ROBO2: variants seen among roughly 807,000 people sequenced by gnomAD.
ROBO2 encodes roundabout guidance receptor 2, also known as roundabout homolog 2.
A neutral mutation model predicts 160.8 loss-of-function variants in ROBO2; 53 were observed. That is an observed-to-expected ratio of 0.33 (90% CI 0.26 to 0.41). The LOEUF (loss-of-function observed/expected upper bound fraction) is 0.41, where lower values mean the gene tolerates loss of function less well. Ranked by LOEUF, ROBO2 falls within the 10% of genes least tolerant of loss-of-function variation. The pLI is 1.00. For missense variants in ROBO2, 1,577 were observed against 1,722.4 expected (o/e 0.92, Z 1.49); for synonymous variants, 664 against 611.7 (o/e 1.09, Z -1.26).
At chr3:77,320,664 G>T (rs945724952) in intron 2 of ROBO2, among the ~76,000 whole-genome samples, 1 of 152,028 alleles carries the variant, frequency 6.6e-6, no homozygotes, top group African/African-American at 2.4e-5. Context: ...AGACAAGGGA[G>T]AGGACTTGTT....
intron 2 of ROBO2, among the ~76,000 whole-genome samples, chr3:76,889,888 G>A (rs1006036512): frequency 6.6e-6 from 1 of 152,118 alleles, no homozygotes. Flanking sequence ...AGGGATGAAA[G>A]AGGTAACATA....
At chr3:76,135,279 T>C (rs2071387908) in intron 2 of ROBO2, among the ~76,000 whole-genome samples, 1 of 152,054 alleles carries the variant, frequency 6.6e-6, no homozygotes, top group African/African-American at 2.4e-5. Context: ...ATAATTAGCC[T>C]TTTAATATAC....
chr3:77,558,159 A>G lies in ROBO2; in HGVS notation c.1437+10A>G. ...GATTAAGAATTTACGGGTAAGTAAT[A>G]TTGGACTTGTACATGAATTATCATC... On this transcript the variant is annotated intron_variant, in intron 9 of 25. Transcript: ENST00000461745. 3.7e-6 allele frequency: 6 copies of G among 1,607,614 alleles called. No homozygotes were observed. The highest frequency in any genetic ancestry group is 5.1e-6 in the Non-Finnish European group (6 of 1,174,418).
intron 2 of ROBO2, among the ~76,000 whole-genome samples, chr3:76,375,690 T>C (rs757764882): frequency 4.6e-5 from 7 of 151,952 alleles, no homozygotes; most frequent in Admixed American, 1.3e-4. Flanking sequence ...TAAAAAAAAC[T>C]AGTTGCAAGT....
intron 2 of ROBO2, among the ~76,000 whole-genome samples, chr3:77,123,659 C>T (rs1050369763): frequency 6.0e-5 from 9 of 150,362 alleles, no homozygotes; most frequent in East Asian, 3.9e-4. Flanking sequence ...AAATGATAAA[C>T]GTAGGTAAGG....
intron 4 of ROBO2, among the ~76,000 whole-genome samples, chr3:77,482,498 A>G (rs1348024582): frequency 6.6e-6 from 1 of 152,210 alleles, no homozygotes; most frequent in Non-Finnish European, 1.5e-5. Context: ...AGCACCAGGT[A>G]ATCTCTGGTA....
intron 2 of ROBO2, among the ~76,000 whole-genome samples, chr3:76,731,901 C>G (rs1345023495): frequency 1.3e-5 from 2 of 152,064 alleles, no homozygotes; most frequent in African/African-American, 2.4e-5. Context: ...GAGTCCAATT[C>G]ATTAATTTGT....
chr3:77,131,821 T>G (rs1020739221), intron 2 of ROBO2, among the ~76,000 whole-genome samples: 1 of 152,150 alleles, frequency 6.6e-6, no homozygotes, highest in African/African-American at 2.4e-5. Flanking sequence ...GAAATATTCT[T>G]TTGTTTATCA....
intron 1 of ROBO2, among the ~76,000 whole-genome samples, chr3:77,087,131 AAATAT>A (rs1366171673): frequency 5.9e-5 from 9 of 152,190 alleles, no homozygotes; most frequent in African/African-American, 2.4e-5. Context: ...AAACAGAAGG[AAATAT>A]AATAGAAAGT....
intron 2 of ROBO2, among the ~76,000 whole-genome samples, chr3:77,440,861 G>T (rs543511600): frequency 1.8e-4 from 27 of 152,180 alleles, no homozygotes; most frequent in African/African-American, 6.3e-4. Context: ...GAATATTTGA[G>T]GGTTGCGGGT....
chr3:76,587,212 GT>G (rs2086100456), intron 2 of ROBO2, among the ~76,000 whole-genome samples: 1 of 152,038 alleles, frequency 6.6e-6, no homozygotes, highest in Admixed American at 6.6e-5. Context: ...ATTTATTTAT[GT>G]TTTTATTGCT....
intron 2 of ROBO2, among the ~76,000 whole-genome samples, chr3:76,737,469 T>A (rs1671363292): frequency 6.6e-6 from 1 of 152,164 alleles, no homozygotes. Flanking sequence ...TAATTCAAAA[T>A]TTTAAAGGGC....
chr3:76,751,503 A>T (rs1300228861), intron 2 of ROBO2, among the ~76,000 whole-genome samples: 3 of 152,190 alleles, frequency 2.0e-5, no homozygotes, highest in Admixed American at 6.5e-5. Context: ...CAGAGTGAAT[A>T]GGCAATGTAC....
At chr3:75,964,195 G>A (rs1208915702) in intron 2 of ROBO2, among the ~76,000 whole-genome samples, 1 of 151,592 alleles carries the variant, frequency 6.6e-6, no homozygotes, top group Non-Finnish European at 1.5e-5. Context: ...AGATGTAGCT[G>A]AGCTCTAAAT....
At chr3:76,481,945 G>C (rs2079231782) in intron 2 of ROBO2, among the ~76,000 whole-genome samples, 2 of 152,062 alleles carry the variant, frequency 1.3e-5, no homozygotes, top group Non-Finnish European at 2.9e-5. Flanking sequence ...CACTTGCCCT[G>C]TCTGTGTGAC....
chr3:76,395,907 G>C (rs547773661), intron 2 of ROBO2, among the ~76,000 whole-genome samples: 1 of 152,082 alleles, frequency 6.6e-6, no homozygotes, highest in African/African-American at 2.4e-5. Context: ...GGAGGAACTG[G>C]TACTATTCCT....
chr3:75,986,220 T>A (rs1461166405), intron 2 of ROBO2, among the ~76,000 whole-genome samples: 2 of 151,554 alleles, frequency 1.3e-5, no homozygotes, highest in Non-Finnish European at 3.0e-5. Context: ...TGTTTTTTTT[T>A]AATAGTAACT....
At chr3:76,643,343 CA>C (rs1476013458) in intron 2 of ROBO2, among the ~76,000 whole-genome samples, 1 of 152,026 alleles carries the variant, frequency 6.6e-6, no homozygotes, top group Non-Finnish European at 1.5e-5. Flanking sequence ...ATGATAGTTA[CA>C]AAATATGATT....
intron 2 of ROBO2, among the ~76,000 whole-genome samples, chr3:77,236,498 T>C (rs1266956789): frequency 6.6e-6 from 1 of 152,212 alleles, no homozygotes; most frequent in African/African-American, 2.4e-5. Flanking sequence ...AGGGTAACGT[T>C]GGAATGCCCT....
Sources: gnomAD v4.1 joint callset for allele counts (sites outside exome capture counted in the v4.1 genomes callset) on GRCh38, gnomAD v4.1.1 for gene constraint, MANE v1.5 for transcripts, NCBI Gene and HGNC (gene_info 2026-07-23, HGNC 2026-07-21) for gene names.